Variants in MAP4K5 observed in about 807,000 individuals in gnomAD.
MAP4K5 encodes MAPK/ERK kinase kinase kinase 5.
In MAP4K5, 82 loss-of-function variants were observed where a neutral mutation model predicts 135.6. That is an observed-to-expected ratio of 0.60 (90% CI 0.51 to 0.73). MAP4K5 has a LOEUF of 0.73. MAP4K5 is among the 30% of genes least tolerant of loss of function. The probability of loss-of-function intolerance (pLI) is 0.00; values close to 1 mark genes in which losing one functional copy is unlikely to be tolerated. For synonymous variants in MAP4K5, 347 were observed against 335.0 expected (o/e 1.04, Z -0.39); for missense variants, 907 against 1,010.9 (o/e 0.90, Z 1.39).
At chr14:50,445,226 C>T in intron 17 of MAP4K5, 32 bp from the exon 18 acceptor site, 1 of 1,601,988 alleles carries the variant, frequency 6.2e-7, no homozygotes, top group Non-Finnish European at 8.5e-7. Context: ...AGTACTTTAA[C>T]AGTTATCATT....
intron 2 of MAP4K5, among the ~76,000 whole-genome samples, chr14:50,508,929 C>T (rs1001925839): frequency 3.3e-5 from 5 of 152,050 alleles, no homozygotes. Context: ...GACACATGCA[C>T]ATGTATGTTT....
At chr14:50,509,120 A>T (rs1042474655) in intron 2 of MAP4K5, among the ~76,000 whole-genome samples, 87 of 151,910 alleles carry the variant, frequency 5.7e-4, no homozygotes, top group Non-Finnish European at 1.5e-4. Context: ...TTCTGAGCAA[A>T]CTATCACAAG....
chr14:50,474,482 G>A (rs1420565784), intron 9 of MAP4K5, among the ~76,000 whole-genome samples: 1 of 151,954 alleles, frequency 6.6e-6, no homozygotes, highest in South Asian at 2.1e-4. Flanking sequence ...TTTGTTATGA[G>A]GCTTTTTATT....
At chr14:50,436,776 C>T (rs1462624918) in intron 26 of MAP4K5, among the ~76,000 whole-genome samples, 7 of 152,070 alleles carry the variant, frequency 4.6e-5, no homozygotes, top group African/African-American at 1.2e-4. Context: ...GGAAAAGTAA[C>T]GCCATCCATT....
At chr14:50,465,008 G>A (rs1308231883) in intron 11 of MAP4K5, among the ~76,000 whole-genome samples, 1 of 152,214 alleles carries the variant, frequency 6.6e-6, no homozygotes, top group Non-Finnish European at 1.5e-5. Context: ...AGTTCCAGAT[G>A]TCTAGGAACT....
At chr14:50,450,568 A>C (rs1013658880) in intron 14 of MAP4K5, 6 of 152,206 alleles carry the variant, frequency 3.9e-5, no homozygotes, top group Admixed American at 3.9e-4. Context: ...GCACAGTCCC[A>C]AAAATAAGCT....
At chr14:50,527,658 C>T (rs574229999) in intron 2 of MAP4K5, among the ~76,000 whole-genome samples, 5 of 152,136 alleles carry the variant, frequency 3.3e-5, no homozygotes, top group African/African-American at 1.2e-4. Flanking sequence ...ATTTATTGAG[C>T]ATTTGTTTGT....
intron 3 of MAP4K5, among the ~76,000 whole-genome samples, chr14:50,502,441 T>C (rs1032544762): frequency 6.6e-6 from 1 of 152,098 alleles, no homozygotes; most frequent in Non-Finnish European, 1.5e-5. Context: ...AATTAGACAG[T>C]GTAAGAGGGA....
At position 50,418,942 on chromosome 14, in the gene MAP4K5, T is replaced by C. The variant is rs2035662758; in HGVS notation, c.*1077A>G. On this transcript the variant is annotated 3_prime_UTR_variant, in exon 33 of 33. Transcript: ENST00000682126. ...ATACTGGCTTTTAAATACTTATTGA[T>C]ACTATCCCATCAGGAATTCAATTCA... 1.3e-5 allele frequency: 2 copies of C among 152,194 alleles called. 1 individual carries two copies. The highest frequency in any genetic ancestry group is 4.1e-4 in the South Asian group (2 of 4,834). 9.4% of individuals were successfully genotyped at this position (152,194 alleles called of 1,614,324 possible).
intron 2 of MAP4K5, among the ~76,000 whole-genome samples, chr14:50,525,205 C>T (rs1027647161): frequency 3.3e-5 from 5 of 152,166 alleles, no homozygotes; most frequent in Non-Finnish European, 2.9e-5. Context: ...GACACATTCA[C>T]CTATGCAATG....
At chr14:50,506,175 A>C (rs1202012774) in intron 2 of MAP4K5, among the ~76,000 whole-genome samples, 5 of 152,192 alleles carry the variant, frequency 3.3e-5, no homozygotes, top group African/African-American at 1.2e-4. Context: ...TAAATAAATC[A>C]AATTTTCTGA....
In MAP4K5 at chr14:50,434,513, T is replaced by G; in HGVS notation, c.2045A>C (p.Glu682Ala). ...TACACAGACCATAGGGTATTCCTGT[T>G]CAGGTATCACCAGCATTTCAAAAAC... ...LNVFEMLVIPEQEYPMVCVAI... is the reference protein window; with the variant it reads ...LNVFEMLVIPAQEYPMVCVAI... Residue 682 changes from glutamate to alanine, a missense_variant, in exon 28 of 33, where the codon GAA (glutamate) becomes GCA (alanine). Glu to Ala is a moderately radical substitution (Grantham distance 107). Around this residue, in one of 3 missense-constraint regions of MAP4K5, gnomAD observed 690 missense variants for 777.4 expected, o/e 0.89. Transcript: ENST00000682126. 1 of 1,606,306 alleles carries G rather than the reference T, an allele frequency of 6.2e-7. No individual in the cohort carries two copies. The highest frequency in any genetic ancestry group is 8.5e-7 in the Non-Finnish European group (1 of 1,176,160).
At chr14:50,485,163 C>T (rs2037337400) in intron 5 of MAP4K5, among the ~76,000 whole-genome samples, 1 of 152,076 alleles carries the variant, frequency 6.6e-6, no homozygotes, top group Admixed American at 6.5e-5. Context: ...AACTTTAAAA[C>T]ATACATATTA....
Position 50,468,689 on chromosome 14 carries a change from T to TC in MAP4K5, c.635dup (p.Glu213ArgfsTer8), listed in dbSNP as rs1436141280. On this transcript the variant is annotated frameshift_variant, in exon 10 of 33. Transcript: ENST00000682126. LOFTEE classifies it high-confidence loss of function. ...GATCAAACATAGGTGGCTGAAGTTC[T>TC]CCAAGTTCAATTGCTGTTATTCCTA... 6.2e-7 allele frequency: 1 copy of TC among 1,613,388 alleles called. No homozygotes were observed. Among genetic ancestry groups the TC allele is most frequent in the Non-Finnish European group, 8.5e-7 (1 of 1,179,552 alleles).
At position 50,448,808 on chromosome 14, in the gene MAP4K5, G is replaced by T; in HGVS notation, c.1040C>A (p.Pro347His). The T allele has an allele frequency of 6.4e-7, 1 of 1,565,766 alleles. No homozygotes were observed. Among genetic ancestry groups the T allele is most frequent in the Non-Finnish European group, 8.7e-7 (1 of 1,149,774 alleles). Residue 347 changes from proline to histidine, a missense_variant, in exon 15 of 33, where the codon CCT (proline) becomes CAT (histidine). This residue lies in a region of MAP4K5 where 690 missense variants were observed against 777.4 expected (regional missense o/e 0.89). Transcript: ENST00000682126. ...INFDKLQFEP[P>H]LRKETEARDE... ...TCGTGCTTCTGTTTCTTTTCTCAGAGGAGGTTCAAATTGTAATTTGTCAAC... is the reference window on the plus strand; with the variant it reads ...TCGTGCTTCTGTTTCTTTTCTCAGATGAGGTTCAAATTGTAATTTGTCAAC...
Position 50,440,065 on chromosome 14 carries a change from TG to T in MAP4K5, c.1652del (p.Pro551HisfsTer14). 1 of 1,502,524 alleles carries T rather than the reference TG, an allele frequency of 6.7e-7. No homozygotes were observed. Among genetic ancestry groups the T allele is most frequent in the African/African-American group, 1.4e-5 (1 of 71,432 alleles). The allele number at this position is 1,502,524 out of a possible 1,614,324, so 93.1% of individuals were successfully genotyped here. A position where few individuals can be genotyped will look rare whatever the true frequency, so the allele number is the denominator to read the frequency against. ...LHEATMEQLF[P>X]RKCTWLYVIN... ...TAACATACAGCCAAGTACACTTCCG[TG>T]GAAATAACTAAGAAAAAGAAGATAA... On this transcript the variant is annotated frameshift_variant, in exon 23 of 33. Transcript: ENST00000682126. LOFTEE classifies it high-confidence loss of function.
intron 11 of MAP4K5, among the ~76,000 whole-genome samples, 200 bp downstream of exon 11, chr14:50,466,381 CAA>C (rs1194669006): frequency 1.8e-5 from 1 of 54,592 alleles, no homozygotes; most frequent in Admixed American, 2.1e-4. Flanking sequence ...AATCCTGTCT[CAA>C]AAAAAAAAAA....
chr14:50,426,809 G>A (rs1184529209), intron 30 of MAP4K5, among the ~76,000 whole-genome samples: 1 of 152,188 alleles, frequency 6.6e-6, no homozygotes, highest in Non-Finnish European at 1.5e-5. Flanking sequence ...TTTAGGATCT[G>A]TGAGTCAATT....
chr14:50,437,748 G>A (rs1450490479), intron 25 of MAP4K5, 146 bp downstream of exon 25: 11 of 664,218 alleles, frequency 1.7e-5, no homozygotes, highest in South Asian at 6.0e-5. Context: ...TTCAGAAAAC[G>A]TTCAGCTTTT....
Sources: gnomAD v4.1 joint callset for allele counts (sites outside exome capture counted in the v4.1 genomes callset) on GRCh38, gnomAD v4.1.1 for gene constraint, gnomAD v4.1.1 regional missense constraint, MANE v1.5 for transcripts, NCBI Gene and HGNC (gene_info 2026-07-23, HGNC 2026-07-21) for gene names.